Variants in PCDHGB4 observed in about 807,000 individuals in gnomAD.
PCDHGB4 encodes the protein protocadherin gamma subfamily B, 4.
A neutral mutation model predicts 60.5 loss-of-function variants in PCDHGB4; 38 were observed. The observed-to-expected ratio is 0.63, with a 90% CI of 0.48 to 0.82. PCDHGB4 has a LOEUF of 0.82. Among genes scored for constraint, PCDHGB4 ranks in the 40% least tolerant of loss-of-function variants. The probability of loss-of-function intolerance (pLI) is 0.00; values close to 1 mark genes in which losing one functional copy is unlikely to be tolerated. For synonymous variants in PCDHGB4, 456 were observed against 509.7 expected, an observed-to-expected ratio of 0.89 and a Z score of 1.42; for missense variants, 1,109 against 1,209.6, an observed-to-expected ratio of 0.92 and a Z score of 1.23.
In PCDHGB4 at chr5:141,448,679, G is replaced by A. The variant is rs113043083; in HGVS notation, c.2398-46128G>A. On this transcript the variant is annotated intron_variant, in intron 1 of 3. Coordinates refer to ENST00000519479, the MANE Select transcript of PCDHGB4 (RefSeq NM_003736.4). Reference sequence around the variant, plus strand: ...ATATTGGCCGGGCGCGGTGGCTCACGCCTGTAATCGCAGCACTTTGGGAGG... The same window carrying A: ...ATATTGGCCGGGCGCGGTGGCTCACACCTGTAATCGCAGCACTTTGGGAGG... Among the ~76,000 whole-genome samples the A allele has an allele frequency of 8.3e-3, 1,260 of 152,126 alleles. 17 individuals are homozygous for A. Among genetic ancestry groups the A allele is most frequent in the African/African-American group, 0.029 (1,195 of 41,496 alleles).
chr5:141,431,162 G>C lies in PCDHGB4; in HGVS notation c.2397+40881G>C, dbSNP rs757521794. The C allele has an allele frequency of 3.1e-6, 5 of 1,614,246 alleles. No homozygotes were observed. The South Asian group carries it at 5.5e-5, about 18-fold the overall frequency. On this transcript the variant is annotated intron_variant, in intron 1 of 3. Coordinates refer to ENST00000519479, the MANE Select transcript of PCDHGB4 (RefSeq NM_003736.4). The surrounding 1 kb of genome is among the most constrained non-coding windows in gnomAD (Gnocchi z 4.8). Reference sequence around the variant, plus strand: ...TAACGACAATGCGCCTTACTTTCGTGAAAGTGAATTAGAAATAAAAATTAG... The same window carrying C: ...TAACGACAATGCGCCTTACTTTCGTCAAAGTGAATTAGAAATAAAAATTAG...
rs2099691833 is a variant in PCDHGB4, at chr5:141,489,761, C to A, written c.2398-5046C>A. 8.1e-6 allele frequency: 13 copies of A among 1,614,102 alleles called. No individual in the cohort carries two copies. The highest frequency in any genetic ancestry group is 1.1e-5 in the Non-Finnish European group (13 of 1,179,962). ...ACTGTGAGCTTTTACACTCTAAGCCCCAACAGCCACTTCTCTCTGAATGTG... is the reference window on the plus strand; with the variant it reads ...ACTGTGAGCTTTTACACTCTAAGCCACAACAGCCACTTCTCTCTGAATGTG... On this transcript the variant is annotated intron_variant, in intron 1 of 3. Coordinates refer to ENST00000519479, the MANE Select transcript of PCDHGB4 (RefSeq NM_003736.4). The surrounding 1 kb of genome is among the most constrained non-coding windows in gnomAD (Gnocchi z 4.5).
chr5:141,409,441 G>A (rs1432743588), intron 1 of PCDHGB4: 1 of 1,613,884 alleles, frequency 6.2e-7, no homozygotes, highest in Admixed American at 1.7e-5. Context: ...TGGACCGAGA[G>A]CAGACACCAG....
chr5:141,432,685 C>T lies in PCDHGB4; in HGVS notation c.2397+42404C>T, dbSNP rs1561863583. 1 of 1,613,932 alleles carries T rather than the reference C, an allele frequency of 6.2e-7. No individual in the cohort carries two copies. The highest frequency in any genetic ancestry group is 1.7e-5 in the Admixed American group (1 of 60,020). ...ACAGAGACGCGCTCAAGCAGAGCCT[C>T]GTAGTGGCCGTCCAGGACCACGGCC... On this transcript the variant is annotated intron_variant, in intron 1 of 3. Coordinates refer to ENST00000519479, the MANE Select transcript of PCDHGB4 (RefSeq NM_003736.4). This position sits in a 1 kb window ranked among gnomAD's most constrained non-coding sequence, Gnocchi z 6.0.
At chr5:141,412,666 G>C (rs991501719) in intron 1 of PCDHGB4, 3 of 152,120 alleles carry the variant, frequency 2.0e-5, no homozygotes, top group African/African-American at 7.2e-5. Flanking sequence ...ACACTAATAT[G>C]ACCTAAAATA....
intron 1 of PCDHGB4, among the ~76,000 whole-genome samples, chr5:141,454,796 ATTTTTTTTTTT>A (rs61612330): frequency 0.01 from 775 of 77,498 alleles, 10 homozygotes; most frequent in African/African-American, 0.043. Context: ...CATGGTTCTA[ATTTTTTTTTTT>A]TTTTTTTTTT....
chr5:141,410,589 A>G (rs2095410065), intron 1 of PCDHGB4: 1 of 1,609,086 alleles, frequency 6.2e-7, no homozygotes, highest in Non-Finnish European at 8.5e-7. Flanking sequence ...GGTGGGGAGG[A>G]TTTGACTTCA....
At position 141,511,076 on chromosome 5, in the gene PCDHGB4, A is replaced by G. The variant is rs201009079; in HGVS notation, c.2675A>G (p.Asn892Ser). 19 of 1,614,218 alleles carry G rather than the reference A, an allele frequency of 1.2e-5. No individual in the cohort carries two copies. In the East Asian group the frequency reaches 3.6e-4, roughly 30 times the overall value. ...CAGAATGTCTACATCCCAGGCAGCA[A>G]TGCCACACTGACCAACGCAGCTGGC... ...YRQNVYIPGS[N>S]ATLTNAAGKR... Residue 892 changes from asparagine (N) to serine (S), a missense_variant, in exon 4 of 4, where the codon AAT (asparagine) becomes AGT (serine). Coordinates refer to ENST00000519479, the MANE Select transcript of PCDHGB4 (RefSeq NM_003736.4).
At chr5:141,394,584 G>A in intron 1 of PCDHGB4, 1 of 1,613,902 alleles carries the variant, frequency 6.2e-7, no homozygotes. Context: ...GGTGACCAAG[G>A]TGGTGGCGGT....
chr5:141,463,438 CTTTTTTTT>C (rs71576115), intron 1 of PCDHGB4, among the ~76,000 whole-genome samples: 7 of 103,252 alleles, frequency 6.8e-5, no homozygotes, highest in East Asian at 2.4e-4. Flanking sequence ...TTTCCTTCTC[CTTTTTTTT>C]TTTTTTTTTT....
chr5:141,394,918 G>A, intron 1 of PCDHGB4: 1 of 1,613,812 alleles, frequency 6.2e-7, no homozygotes, highest in Non-Finnish European at 8.5e-7. Context: ...GCCATCTCCT[G>A]TGTCTTCCTC....
At chr5:141,395,029 A>G (rs1589250627) in intron 1 of PCDHGB4, 1 of 1,613,976 alleles carries the variant, frequency 6.2e-7, no homozygotes, top group Non-Finnish European at 8.5e-7. Context: ...CCTGCCTCAC[A>G]TTTTGTGGGT....
At chr5:141,462,540 TTTC>T (rs2099042260) in intron 1 of PCDHGB4, among the ~76,000 whole-genome samples, 1 of 152,204 alleles carries the variant, frequency 6.6e-6, no homozygotes, top group East Asian at 1.9e-4. Flanking sequence ...TCAGTGATCT[TTTC>T]TTCTTCAGTG....
chr5:141,476,036 A>G lies in PCDHGB4; in HGVS notation c.2398-18771A>G. The G allele has an allele frequency of 1.4e-6, 2 of 1,471,164 alleles. No individual in the cohort carries two copies. Among genetic ancestry groups the G allele is most frequent in the Non-Finnish European group, 1.8e-6 (2 of 1,106,602 alleles). 91.1% of individuals were successfully genotyped at this position (1,471,164 alleles called of 1,614,324 possible). ...ATGTCGGACTCGGCGCCCAGCGCCCAAGCGCTAACCCGCTGAAAGTTTCTC... is the reference window on the plus strand; with the variant it reads ...ATGTCGGACTCGGCGCCCAGCGCCCGAGCGCTAACCCGCTGAAAGTTTCTC... On this transcript the variant is annotated intron_variant, in intron 1 of 3. Transcript: ENST00000519479. The surrounding 1 kb of genome is among the most constrained non-coding windows in gnomAD (Gnocchi z 7.6).
chr5:141,490,951 T>G lies in PCDHGB4; in HGVS notation c.2398-3856T>G, dbSNP rs778168052. On this transcript the variant is annotated intron_variant, in intron 1 of 3. Transcript: ENST00000519479. The surrounding 1 kb of genome is among the most constrained non-coding windows in gnomAD (Gnocchi z 5.4). ...AGCTGTGCTGCACCCACGGCCAGACTGGGAACACTCAGCCCCCCAGCGTCT... is the reference window on the plus strand; with the variant it reads ...AGCTGTGCTGCACCCACGGCCAGACGGGGAACACTCAGCCCCCCAGCGTCT... The G allele has an allele frequency of 6.2e-7, 1 of 1,613,638 alleles. No individual in the cohort carries two copies. The highest frequency in any genetic ancestry group is 1.3e-5 in the African/African-American group (1 of 74,900).
At chr5:141,392,730 C>T (rs1374381872) in intron 1 of PCDHGB4, 10 of 1,409,212 alleles carry the variant, frequency 7.1e-6, no homozygotes, top group Non-Finnish European at 8.4e-6. Context: ...GGAGGATTGT[C>T]ATCTCCATAG....
At chr5:141,390,385 C>A in intron 1 of PCDHGB4, 104 bp downstream of exon 1, 1 of 1,430,582 alleles carries the variant, frequency 7.0e-7, no homozygotes, top group Non-Finnish European at 9.5e-7. Context: ...TTTTAGATGT[C>A]ATGGATCATT....
chr5:141,402,153 T>A (rs2094231712), intron 1 of PCDHGB4, among the ~76,000 whole-genome samples: 1 of 152,166 alleles, frequency 6.6e-6, no homozygotes, highest in Non-Finnish European at 1.5e-5. Flanking sequence ...TTAGCAATAT[T>A]AGGCGAGAAC....
chr5:141,409,818 C>T (rs1027344375), intron 1 of PCDHGB4: 2 of 1,610,918 alleles, frequency 1.2e-6, no homozygotes, highest in Non-Finnish European at 1.7e-6. Context: ...GACCACGGCT[C>T]GCCCACGCTC....
Sources: gnomAD v4.1 joint callset for allele counts (sites outside exome capture counted in the v4.1 genomes callset) on GRCh38, gnomAD v4.1.1 for gene constraint, Gnocchi (gnomAD v3.1) non-coding constraint, MANE v1.5 for transcripts, NCBI Gene and HGNC (gene_info 2026-07-23, HGNC 2026-07-21) for gene names.